The following RAF1 variants were observed in gnomAD, a reference collection of about 807,000 sequenced individuals.
RAF1 encodes Raf-1 proto-oncogene, serine/threonine kinase.
Under a neutral mutation model 81.1 loss-of-function variants are expected in RAF1, and 27 were observed. The observed-to-expected ratio is 0.33, with a 90% CI of 0.25 to 0.46. The LOEUF is 0.46. Ranked by LOEUF, RAF1 falls within the 20% of genes least tolerant of loss-of-function variation. RAF1 has a pLI of 1.00. For missense variants in RAF1, 598 were observed against 826.0 expected (o/e 0.72, Z 3.38); for synonymous variants, 298 against 294.0 (o/e 1.01, Z -0.14).
chr3:12,648,999 A>C (rs1186853590), intron 1 of RAF1, among the ~76,000 whole-genome samples: 1 of 152,134 alleles, frequency 6.6e-6, no homozygotes, highest in Admixed American at 6.6e-5. Flanking sequence ...CTGTAATGCC[A>C]GCTACTTGGG....
At chr3:12,606,150 C>T (rs1481181496) in intron 6 of RAF1, 51 bp downstream of exon 6, 3 of 1,412,390 alleles carry the variant, frequency 2.1e-6, no homozygotes, top group South Asian at 2.3e-5. Flanking sequence ...AGCTTCCAAC[C>T]CCACCACCCC....
At chr3:12,615,858 T>C (rs2059354297) in intron 2 of RAF1, among the ~76,000 whole-genome samples, 2 of 152,108 alleles carry the variant, frequency 1.3e-5, no homozygotes, top group Non-Finnish European at 2.9e-5. Flanking sequence ...GAGACCAGCC[T>C]TGCCAACATG....
At chr3:12,615,702 C>T (rs2059349966) in intron 2 of RAF1, among the ~76,000 whole-genome samples, 1 of 152,124 alleles carries the variant, frequency 6.6e-6, no homozygotes, top group Admixed American at 6.6e-5. Flanking sequence ...TTCCAACCAC[C>T]AGCTGTGCTC....
intron 14 of RAF1, chr3:12,587,240 AGAAATAAACTT>A: frequency 3.2e-6 from 1 of 315,680 alleles, no homozygotes; most frequent in Non-Finnish European, 5.9e-6. Flanking sequence ...GCCACAAACT[AGAAATAAACTT>A]AAGACAAAAG....
intron 1 of RAF1, among the ~76,000 whole-genome samples, chr3:12,628,068 T>C (rs1419517458): frequency 6.6e-6 from 1 of 152,228 alleles, no homozygotes; most frequent in Non-Finnish European, 1.5e-5. Context: ...TGTAGTGAGC[T>C]ACTGCACTTC....
At chr3:12,651,433 A>G (rs2060521649) in intron 1 of RAF1, among the ~76,000 whole-genome samples, 2 of 152,116 alleles carry the variant, frequency 1.3e-5, no homozygotes, top group African/African-American at 4.8e-5. Context: ...CCAGAGTTCG[A>G]GACCAGCCTG....
chr3:12,648,832 C>T (rs956942567), intron 1 of RAF1, among the ~76,000 whole-genome samples: 2 of 152,130 alleles, frequency 1.3e-5, no homozygotes, highest in South Asian at 2.1e-4. Flanking sequence ...AAATTCCCAT[C>T]GGCCGGATGC....
chr3:12,659,648 CAT>C (rs10533439), intron 1 of RAF1, among the ~76,000 whole-genome samples: 67,202 of 151,550 alleles, frequency 0.44, 15,591 homozygotes, highest in East Asian at 0.89. Context: ...TTTTCCACCT[CAT>C]AGTCATTTGT....
chr3:12,630,668 A>G (rs1040236071), intron 1 of RAF1, among the ~76,000 whole-genome samples: 3 of 152,184 alleles, frequency 2.0e-5, no homozygotes, highest in African/African-American at 7.2e-5. Flanking sequence ...ACTTGAGTAC[A>G]ATGTAGGGGA....
chr3:12,613,836 T>G (rs1575592187), intron 2 of RAF1, among the ~76,000 whole-genome samples: 1 of 152,246 alleles, frequency 6.6e-6, no homozygotes, highest in Admixed American at 6.5e-5. Context: ...CCAGTAATCA[T>G]TCTTTGAAGC....
chr3:12,629,358 G>A (rs1218242183), intron 1 of RAF1, among the ~76,000 whole-genome samples: 1 of 151,934 alleles, frequency 6.6e-6, no homozygotes, highest in Non-Finnish European at 1.5e-5. Flanking sequence ...AACTCACTAG[G>A]CAACAAGATA....
chr3:12,640,573 A>G (rs1201725608), intron 1 of RAF1, among the ~76,000 whole-genome samples: 1 of 152,224 alleles, frequency 6.6e-6, no homozygotes, highest in Non-Finnish European at 1.5e-5. Flanking sequence ...ATGAACAGAC[A>G]CTTCTCAAAA....
intron 1 of RAF1, among the ~76,000 whole-genome samples, chr3:12,657,560 T>C (rs993780868): frequency 2.6e-5 from 4 of 152,000 alleles, no homozygotes; most frequent in Non-Finnish European, 5.9e-5. Flanking sequence ...TTACCTGAGG[T>C]CGGGAGTTCG....
chr3:12,641,954 G>A (rs2060200402), intron 1 of RAF1, among the ~76,000 whole-genome samples: 1 of 151,936 alleles, frequency 6.6e-6, no homozygotes, highest in Non-Finnish European at 1.5e-5. Flanking sequence ...GAGACCAGCT[G>A]GGCCAACATG....
At chr3:12,591,331 G>A (rs2058509012) in intron 12 of RAF1, among the ~76,000 whole-genome samples, 1 of 151,972 alleles carries the variant, frequency 6.6e-6, no homozygotes, top group South Asian at 2.1e-4. Flanking sequence ...CTGAAAGATT[G>A]GAAAGCTGAC....
At chr3:12,647,255 C>T (rs2060379134) in intron 1 of RAF1, among the ~76,000 whole-genome samples, 1 of 150,302 alleles carries the variant, frequency 6.7e-6, no homozygotes. Flanking sequence ...GAGATCGCGC[C>T]ACTGCACTCC....
chr3:12,592,766 C>G (rs2058560215), intron 11 of RAF1, among the ~76,000 whole-genome samples: 1 of 136,334 alleles, frequency 7.3e-6, no homozygotes, highest in African/African-American at 2.9e-5. Flanking sequence ...GACAGAGTCT[C>G]GCTCAGTCAC....
chr3:12,647,726 A>C (rs1306232781), intron 1 of RAF1, among the ~76,000 whole-genome samples: 1 of 152,234 alleles, frequency 6.6e-6, no homozygotes, highest in East Asian at 1.9e-4. Flanking sequence ...TAACCAGTCC[A>C]AAAGGGCACT....
intron 3 of RAF1, among the ~76,000 whole-genome samples, chr3:12,610,718 A>C (rs1235816909): frequency 1.3e-5 from 2 of 152,248 alleles, no homozygotes; most frequent in Non-Finnish European, 2.9e-5. Flanking sequence ...AAACATGAAA[A>C]AATGTAAGCT....
Sources: gnomAD v4.1 joint callset for allele counts (sites outside exome capture counted in the v4.1 genomes callset) on GRCh38, gnomAD v4.1.1 for gene constraint, MANE v1.5 for transcripts, NCBI Gene and HGNC (gene_info 2026-07-23, HGNC 2026-07-21) for gene names.